The following BFSP1 variants were observed in gnomAD, a reference collection of about 807,000 sequenced individuals.
BFSP1 encodes filensin.
BFSP1 carries 38 observed loss-of-function variants against 43.9 expected under a neutral mutation model. That is an observed-to-expected ratio of 0.87 (90% CI 0.67 to 1.14). The LOEUF is 1.14. Ranked by LOEUF, BFSP1 falls within the 50% of genes most tolerant of loss-of-function variation. The probability of loss-of-function intolerance (pLI) is 0.00; values close to 1 mark genes in which losing one functional copy is unlikely to be tolerated. For missense variants in BFSP1, 850 were observed against 875.1 expected, an observed-to-expected ratio of 0.97 and a Z score of 0.36; for synonymous variants, 352 against 354.8, an observed-to-expected ratio of 0.99 and a Z score of 0.09.
chr20:17,514,862 T>C (rs747779582), intron 2 of BFSP1, 46 bp from the exon 3 acceptor site: 15 of 1,573,544 alleles, frequency 9.5e-6, no homozygotes, highest in South Asian at 4.4e-5. Flanking sequence ...CCATGGAGCA[T>C]AGGGGTAAAG....
chr20:17,548,104 T>C (rs1413437677), intron 1 of BFSP1, among the ~76,000 whole-genome samples: 1 of 146,374 alleles, frequency 6.8e-6, no homozygotes, highest in African/African-American at 2.5e-5. Context: ...GTGGGCATAA[T>C]CTATCCAGAG....
chr20:17,532,887 T>A (rs1332395099), upstream of BFSP1, among the ~76,000 whole-genome samples: 8 of 152,260 alleles, frequency 5.3e-5, no homozygotes, highest in African/African-American at 1.7e-4. Context: ...TACTACAAAT[T>A]AAAGTCATAG....
In BFSP1 at chr20:17,508,926, G is replaced by C. The variant is rs779838677; in HGVS notation, c.698C>G (p.Ser233Cys). The C allele has an allele frequency of 6.2e-7, 1 of 1,605,096 alleles. No homozygotes were observed. Among genetic ancestry groups the C allele is most frequent in the African/African-American group, 1.3e-5 (1 of 74,760 alleles). The change falls in exon 5 of 8, where the codon TCC becomes TGC. Residue 233 changes from serine to cysteine, a missense_variant. Transcript: ENST00000377873. Reference sequence around the variant, plus strand: ...CTCCACTCTCTGCGCCTGCAGGTGGGAGAGCACCTCCCGGCCCTCCTCCAG... The same window carrying C: ...CTCCACTCTCTGCGCCTGCAGGTGGCAGAGCACCTCCCGGCCCTCCTCCAG... ...SQLEEGREVLSHLQAQRVELQ... is the reference protein window; with the variant it reads ...SQLEEGREVLCHLQAQRVELQ...
Position 17,494,717 on chromosome 20 carries a change from A to C in BFSP1, c.1355T>G (p.Val452Gly), listed in dbSNP as rs2123445185. 1 of 1,613,940 alleles carries C rather than the reference A, an allele frequency of 6.2e-7. No individual in the cohort carries two copies. The stretch of plus-strand genomic sequence containing the variant: ...GGTCTCAGGCTCTTTGGGGCTTCTC[A>C]CTTTCTCCTTGACCTTCCTGTATAG... ...GKLYRKVKEK[V>G]RSPKEPETPT... is the part of the protein sequence containing the mutation. The change falls in exon 8 of 8, where the codon GTG becomes GGG. Residue 452 changes from valine (V) to glycine (G), a missense_variant. By Grantham distance (109) the Val-to-Gly change is moderately radical (BLOSUM62 -3). Transcript: ENST00000377873.
At chr20:17,560,385 CA>C (rs1300732448), upstream of BFSP1, 2 of 152,192 alleles carry the variant, frequency 1.3e-5, no homozygotes, top group Admixed American at 1.3e-4. Context: ...CTCCACTCAT[CA>C]AAGATCCAGT....
At chr20:17,554,488 C>T (rs2034957905) in intron 1 of BFSP1, among the ~76,000 whole-genome samples, 1 of 152,106 alleles carries the variant, frequency 6.6e-6, no homozygotes, top group African/African-American at 2.4e-5. Context: ...ATTAGCGAAT[C>T]CATTAATATA....
chr20:17,561,891 G>A (rs1022991746), upstream of BFSP1, among the ~76,000 whole-genome samples: 3 of 152,050 alleles, frequency 2.0e-5, no homozygotes, highest in South Asian at 2.1e-4. Context: ...ACAAATGTCC[G>A]TCTTTCTAGA....
At position 17,517,205 on chromosome 20, in the gene BFSP1, T is replaced by G. The variant is rs561585699; in HGVS notation, c.439-2389A>C. The stretch of plus-strand genomic sequence containing the variant: ...TTAGTCACCTTCATCGAGAGTGCCC[T>G]TCTGATGAATGTGGTGCTGGAGTGT... On this transcript the variant is annotated intron_variant, in intron 2 of 7. Transcript: ENST00000377873. 5 of 879,334 alleles carry G rather than the reference T, an allele frequency of 5.7e-6. No homozygotes were observed. In the South Asian group the frequency reaches 6.5e-5, roughly 11 times the overall value. The allele number at this position is 879,334 out of a possible 1,614,324, so 54.5% of individuals were successfully genotyped here. A position where few individuals can be genotyped will look rare whatever the true frequency, so the allele number is the denominator to read the frequency against.
intron 1 of BFSP1, among the ~76,000 whole-genome samples, chr20:17,529,090 T>TGTGTGTGAGA (rs577672397): frequency 6.6e-6 from 1 of 151,496 alleles, no homozygotes; most frequent in African/African-American, 2.4e-5. Flanking sequence ...TGTGTGTGTG[T>TGTGTGTGAGA]GAGACAGAGT....
chr20:17,555,589 G>T (rs545178197), intron 1 of BFSP1, among the ~76,000 whole-genome samples: 4 of 152,096 alleles, frequency 2.6e-5, no homozygotes, highest in Non-Finnish European at 5.9e-5. Flanking sequence ...GGAGGCAGAG[G>T]TTGCAGTAAG....
chr20:17,494,947 C>A lies in BFSP1; in HGVS notation c.1125G>T (p.Glu375Asp), dbSNP rs139124891. The A allele has an allele frequency of 1.9e-3, 3,105 of 1,614,188 alleles. 40 individuals carry two copies. The African/African-American group carries it at 0.037, about 19-fold the overall frequency. Reference protein sequence around the residue: ...ALPKNVPRRKEIITKDKTNGA... With the variant: ...ALPKNVPRRKDIITKDKTNGA... ...CGTTGGTTTTGTCTTTTGTTATAAT[C>A]TCTTTTCTCCTTGGAACATTCTTGG... The change falls in exon 8 of 8, where the codon GAG becomes GAT. Residue 375 changes from glutamate (E) to aspartate (D), a missense_variant. By Grantham distance (45) the Glu-to-Asp change is conservative. Transcript: ENST00000377873.
At position 17,507,272 on chromosome 20, in the gene BFSP1, G is replaced by GGTGTGTGTGT. The variant is rs373485156; in HGVS notation, c.735+1607_735+1616dup. On this transcript the variant is annotated intron_variant, in intron 5 of 7. Transcript: ENST00000377873. This position sits in a 1 kb window ranked among gnomAD's most constrained non-coding sequence, Gnocchi z 4.4. ...GCGAGCCATACACATCAGATAGGTA[G>GGTGTGTGTGT]GTGTGTGTGTGTGTGTGTGTGTGTG... Among the ~76,000 whole-genome samples the GGTGTGTGTGT allele has an allele frequency of 4.7e-4, 66 of 141,310 alleles. No homozygotes were observed. The highest frequency in any genetic ancestry group is 1.3e-3 in the African/African-American group (48 of 37,874). 92.7% of individuals were successfully genotyped at this position (141,310 alleles called of 152,430 possible).
rs368344316 is a variant in BFSP1 at position 17,502,464 on chromosome 20, G to C, written c.736-3424C>G. Among the ~76,000 whole-genome samples, 5 of 152,312 alleles carry C rather than the reference G, an allele frequency of 3.3e-5. No homozygotes were observed. The East Asian group carries it at 5.8e-4, about 18-fold the overall frequency. ...GAAAGACTGGGGACCATCCCAGTAT[G>C]GGGGAGACAATCAAGACATGACACC... is the stretch of plus-strand genomic sequence containing the variant. On this transcript the variant is annotated intron_variant, in intron 5 of 7. Coordinates refer to ENST00000377873, the MANE Select transcript of BFSP1 (RefSeq NM_001195.5).
chr20:17,528,453 T>C (rs572904251), intron 1 of BFSP1, among the ~76,000 whole-genome samples: 6 of 152,332 alleles, frequency 3.9e-5, no homozygotes, highest in Non-Finnish European at 7.3e-5. Flanking sequence ...GGAATCTTGA[T>C]GGTCCATCAA....
In BFSP1 at chr20:17,530,978, G is replaced by C; in HGVS notation, c.352C>G (p.Arg118Gly). The C allele has an allele frequency of 7.0e-7, 1 of 1,438,096 alleles. No homozygotes were observed. The highest frequency in any genetic ancestry group is 9.1e-7 in the Non-Finnish European group (1 of 1,099,460). The allele number at this position is 1,438,096 out of a possible 1,614,324, so 89.1% of individuals were successfully genotyped here. A position where few individuals can be genotyped will look rare whatever the true frequency, so the allele number is the denominator to read the frequency against. Residue 118 changes from arginine (R) to glycine (G), a missense_variant, in exon 1 of 8, where the codon CGC becomes GGC. Transcript: ENST00000377873. ...TTGCTTCGGAACTCGTCGAGCGCGC[G>C]CTGCGCCTCGGTGCCCTGGCGCTCC... The part of the protein sequence containing the change: ...RLERQGTEAQ[R>G]ALDEFRSKYE...
At chr20:17,497,628 A>T (rs2033686143) in intron 6 of BFSP1, among the ~76,000 whole-genome samples, 3 of 143,208 alleles carry the variant, frequency 2.1e-5, no homozygotes, top group South Asian at 2.2e-4. Context: ...ATATACACAC[A>T]CATATATACA....
upstream of BFSP1, among the ~76,000 whole-genome samples, chr20:17,532,859 A>G (rs1281041210): frequency 6.6e-6 from 1 of 152,216 alleles, no homozygotes; most frequent in Non-Finnish European, 1.5e-5. Context: ...TACTAACTAT[A>G]TGGATTGTGT....
At chr20:17,505,036 G>T (rs1338413119) in intron 5 of BFSP1, among the ~76,000 whole-genome samples, 1 of 151,812 alleles carries the variant, frequency 6.6e-6, no homozygotes, top group Non-Finnish European at 1.5e-5. Flanking sequence ...ATGAGACATG[G>T]GCGGTTCCCA....
chr20:17,565,768 G>C (rs930025713), intron 1 of BFSP1: 5 of 152,178 alleles, frequency 3.3e-5, no homozygotes, highest in Non-Finnish European at 5.9e-5. Context: ...TGTATTGTTT[G>C]AATCTTTTAC....
Sources: gnomAD v4.1 joint callset for allele counts (sites outside exome capture counted in the v4.1 genomes callset) on GRCh38, gnomAD v4.1.1 for gene constraint, Gnocchi (gnomAD v3.1) non-coding constraint, MANE v1.5 for transcripts, NCBI Gene and HGNC (gene_info 2026-07-23, HGNC 2026-07-21) for gene names.